P2RY14: variants seen among roughly 807,000 people sequenced by gnomAD.
P2RY14 encodes the protein purinergic receptor P2Y14.
P2RY14 carries 2 observed loss-of-function variants against 0.9 expected under a neutral mutation model. The ratio of observed to expected loss-of-function variants is 2.16; its 90% CI spans 0.88 to 6.79. P2RY14 has a LOEUF of 6.79. P2RY14 is among the 30% of genes most tolerant of loss of function. The pLI is 0.05. For synonymous variants in P2RY14, 158 were observed against 147.2 expected, an observed-to-expected ratio of 1.07 and a Z score of -0.53; for missense variants, 378 against 400.1, an observed-to-expected ratio of 0.94 and a Z score of 0.47.
In P2RY14 at chr3:151,266,968, G is replaced by A. The variant is rs148041179; in HGVS notation, c.-133+11319C>T. 1.9e-3 allele frequency among the ~76,000 whole-genome samples: 285 copies of A among 152,262 alleles called. 1 individual carries two copies. Among genetic ancestry groups the A allele is most frequent in the Middle Eastern group, 3.4e-3 (1 of 294 alleles). On this transcript the variant is annotated intron_variant, in intron 1 of 2. Transcript: ENST00000309170. ...AGTGTTTTCAGTATGGTTTAAAATG[G>A]ATTTTATGGGATGTTTGGATTTACT...
chr3:151,248,619 G>A (rs570187403), intron 1 of P2RY14, among the ~76,000 whole-genome samples: 3 of 151,986 alleles, frequency 2.0e-5, no homozygotes, highest in Non-Finnish European at 4.4e-5. Flanking sequence ...ATTTCCTAAT[G>A]CCTAATGTAC....
intron 1 of P2RY14, among the ~76,000 whole-genome samples, chr3:151,235,650 C>T (rs1005058647): frequency 2.6e-5 from 4 of 152,024 alleles, no homozygotes; most frequent in South Asian, 2.1e-4. Flanking sequence ...GCTGAGGTCG[C>T]GCCACTGCAC....
chr3:151,256,818 T>G (rs1737897464), intron 1 of P2RY14, among the ~76,000 whole-genome samples: 1 of 151,756 alleles, frequency 6.6e-6, no homozygotes, highest in African/African-American at 2.4e-5. Flanking sequence ...CCAGTCTGTT[T>G]TTTTTTTTTT....
At chr3:151,225,308 A>G (rs572083641) in intron 1 of P2RY14, among the ~76,000 whole-genome samples, 7 of 152,290 alleles carry the variant, frequency 4.6e-5, no homozygotes, top group South Asian at 4.1e-4. Context: ...TGCTATAACA[A>G]TACTACGTAT....
chr3:151,237,045 C>CTTTTTTTTT (rs56926535), intron 1 of P2RY14, among the ~76,000 whole-genome samples: 1 of 125,890 alleles, frequency 7.9e-6, no homozygotes, highest in African/African-American at 3.0e-5. Flanking sequence ...TGATGCCAAA[C>CTTTTTTTTT]TTTTTTTTTT....
At chr3:151,266,399 A>G (rs1232024479) in intron 1 of P2RY14, among the ~76,000 whole-genome samples, 1 of 152,256 alleles carries the variant, frequency 6.6e-6, no homozygotes, top group Admixed American at 6.5e-5. Flanking sequence ...AGTATCATCC[A>G]GATAGAAAGC....
intron 1 of P2RY14, among the ~76,000 whole-genome samples, chr3:151,226,762 CT>C (rs1440475234): frequency 6.6e-6 from 1 of 152,132 alleles, no homozygotes; most frequent in Non-Finnish European, 1.5e-5. Context: ...AGAGAACCTC[CT>C]TTTGATTTGC....
At chr3:151,230,031 G>A (rs145345148) in intron 1 of P2RY14, among the ~76,000 whole-genome samples, 1 of 151,974 alleles carries the variant, frequency 6.6e-6, no homozygotes, top group African/African-American at 2.4e-5. Context: ...GTGCAGTGGT[G>A]CGATCTCAGC....
At chr3:151,251,436 G>A (rs185044745) in intron 1 of P2RY14, among the ~76,000 whole-genome samples, 1 of 151,848 alleles carries the variant, frequency 6.6e-6, no homozygotes, top group Admixed American at 6.6e-5. Context: ...CAAACCTCAG[G>A]TCATTTTTTG....
chr3:151,272,590 A>G (rs1488603763), intron 1 of P2RY14, among the ~76,000 whole-genome samples: 2 of 152,238 alleles, frequency 1.3e-5, no homozygotes, highest in Admixed American at 6.5e-5. Context: ...TACAAAGTGC[A>G]TACTCGGGAA....
chr3:151,228,456 T>A (rs1169096312), intron 1 of P2RY14, among the ~76,000 whole-genome samples: 1 of 151,790 alleles, frequency 6.6e-6, no homozygotes, highest in Non-Finnish European at 1.5e-5. Context: ...CCTGACAGTT[T>A]CCCCTCTTCT....
intron 1 of P2RY14, among the ~76,000 whole-genome samples, chr3:151,258,416 A>G (rs1437168415): frequency 6.6e-6 from 1 of 152,216 alleles, no homozygotes; most frequent in Admixed American, 6.5e-5. Context: ...TTCTTGAAGA[A>G]TAAAATAAAA....
chr3:151,231,596 C>A (rs1340461910), intron 1 of P2RY14, among the ~76,000 whole-genome samples: 3 of 152,050 alleles, frequency 2.0e-5, no homozygotes, highest in Non-Finnish European at 4.4e-5. Flanking sequence ...TTAAAAAAAT[C>A]AATGCCACGA....
intron 1 of P2RY14, among the ~76,000 whole-genome samples, chr3:151,233,147 C>CTGCAGATCTGGGTCATT (rs1732036641): frequency 6.6e-6 from 1 of 152,114 alleles, no homozygotes; most frequent in Non-Finnish European, 1.5e-5. Context: ...TCTCTAGTTT[C>CTGCAGATCTGGGTCATT]TGCAGATCTG....
intron 1 of P2RY14, among the ~76,000 whole-genome samples, chr3:151,254,164 T>C (rs1306546167): frequency 6.6e-6 from 1 of 152,204 alleles, no homozygotes; most frequent in African/African-American, 2.4e-5. Context: ...TTTTAGGTAT[T>C]AGTGCCTGTA....
chr3:151,263,667 C>A (rs1397966488), intron 1 of P2RY14, among the ~76,000 whole-genome samples: 1 of 152,072 alleles, frequency 6.6e-6, no homozygotes, highest in East Asian at 1.9e-4. Context: ...ATTAATTTAA[C>A]ATGTTCAGTG....
intron 1 of P2RY14, among the ~76,000 whole-genome samples, chr3:151,243,865 GA>G (rs1470668937): frequency 1.3e-5 from 2 of 149,964 alleles, no homozygotes; most frequent in East Asian, 3.9e-4. Flanking sequence ...CTGTATTCAG[GA>G]AACCCATCTC....
At chr3:151,248,969 C>T (rs889009494) in intron 1 of P2RY14, 7 of 152,144 alleles carry the variant, frequency 4.6e-5, no homozygotes, top group African/African-American at 1.4e-4. Flanking sequence ...CTGGACTGCT[C>T]GTGTTGACCA....
At chr3:151,214,466 C>T in intron 2 of P2RY14, 126 bp from the exon 3 acceptor site, 4 of 623,638 alleles carry the variant, frequency 6.4e-6, no homozygotes, top group South Asian at 2.0e-5. Flanking sequence ...CCTTTTTACT[C>T]TGTGTAAGTT....
Sources: allele counts gnomAD v4.1 joint callset (sites outside exome capture counted in the v4.1 genomes callset), GRCh38; gene constraint gnomAD v4.1.1; transcripts MANE v1.5; gene names NCBI Gene and HGNC (gene_info 2026-07-23, HGNC 2026-07-21).